Variants in ATXN7L1 observed in about 807,000 individuals in gnomAD.
The protein encoded by ATXN7L1 is ataxin-7-like protein 1.
In ATXN7L1, 15 loss-of-function variants were observed where a neutral mutation model predicts 70.8. The observed-to-expected ratio is 0.21, with a 90% CI of 0.14 to 0.33. ATXN7L1 has a LOEUF of 0.33. Ranked by LOEUF, ATXN7L1 falls within the 10% of genes least tolerant of loss-of-function variation. The pLI, the probability that ATXN7L1 is intolerant of heterozygous loss-of-function variation, is 1.00. For synonymous variants in ATXN7L1, 440 were observed against 445.1 expected, an observed-to-expected ratio of 0.99 and a Z score of 0.14; for missense variants, 975 against 1,097.1, an observed-to-expected ratio of 0.89 and a Z score of 1.57.
At chr7:105,860,030 G>A (rs1266666994) in intron 2 of ATXN7L1, among the ~76,000 whole-genome samples, 1 of 148,658 alleles carries the variant, frequency 6.7e-6, no homozygotes, top group Non-Finnish European at 1.5e-5. Context: ...TAATCCACCC[G>A]CCTTGGCCTC....
chr7:105,793,258 C>T (rs1805516154), intron 2 of ATXN7L1, among the ~76,000 whole-genome samples: 1 of 152,196 alleles, frequency 6.6e-6, no homozygotes, highest in African/African-American at 2.4e-5. Flanking sequence ...GCAGAGGGCT[C>T]ATTGCTGAGC....
intron 3 of ATXN7L1, among the ~76,000 whole-genome samples, chr7:105,718,883 G>A (rs1052346519): frequency 1.3e-5 from 2 of 152,186 alleles, no homozygotes; most frequent in East Asian, 3.9e-4. Context: ...TGGGAGAGAG[G>A]ATTTATCTTG....
At chr7:105,627,720 C>T (rs996400507) in intron 7 of ATXN7L1, among the ~76,000 whole-genome samples, 2 of 151,372 alleles carry the variant, frequency 1.3e-5, no homozygotes, top group Non-Finnish European at 2.9e-5. Context: ...TAAGTAGAGA[C>T]GGGGTTTCAC....
At chr7:105,875,439 G>A (rs975371326) in intron 2 of ATXN7L1, among the ~76,000 whole-genome samples, 1 of 152,150 alleles carries the variant, frequency 6.6e-6, no homozygotes, top group Non-Finnish European at 1.5e-5. Flanking sequence ...AAGCTGTTGT[G>A]CATTCACCCA....
At chr7:105,672,352 GCT>G (rs1461314055) in intron 3 of ATXN7L1, among the ~76,000 whole-genome samples, 1 of 152,142 alleles carries the variant, frequency 6.6e-6, no homozygotes, top group Non-Finnish European at 1.5e-5. Context: ...GATTAACAAA[GCT>G]GTAATCAATG....
intron 2 of ATXN7L1, among the ~76,000 whole-genome samples, chr7:105,860,851 C>T (rs1001126991): frequency 6.6e-6 from 1 of 152,194 alleles, no homozygotes; most frequent in Admixed American, 6.5e-5. Flanking sequence ...ATGATATGAT[C>T]GCTTTTCCTC....
chr7:105,718,006 ATAGT>A (rs1482253060), intron 3 of ATXN7L1, among the ~76,000 whole-genome samples: 3 of 152,244 alleles, frequency 2.0e-5, no homozygotes, highest in Non-Finnish European at 2.9e-5. Flanking sequence ...CAACTATGAA[ATAGT>A]TAATATCATC....
At chr7:105,645,640 CAAA>C (rs34135377) in intron 4 of ATXN7L1, among the ~76,000 whole-genome samples, 3 of 124,064 alleles carry the variant, frequency 2.4e-5, no homozygotes, top group Non-Finnish European at 1.6e-5. Flanking sequence ...GCTAAAAATC[CAAA>C]AAAAAAAAAA....
intron 3 of ATXN7L1, among the ~76,000 whole-genome samples, chr7:105,684,101 G>A (rs1805879340): frequency 6.6e-6 from 1 of 152,168 alleles, no homozygotes; most frequent in African/African-American, 2.4e-5. Flanking sequence ...GGTGAGCCAG[G>A]TAAGTGGTGT....
chr7:105,759,722 G>A (rs1033975934), intron 3 of ATXN7L1, among the ~76,000 whole-genome samples: 5 of 151,982 alleles, frequency 3.3e-5, no homozygotes, highest in Non-Finnish European at 7.4e-5. Context: ...AAATAACTAA[G>A]GTTTCTAGGC....
chr7:105,871,997 T>A (rs1339488639), intron 2 of ATXN7L1, among the ~76,000 whole-genome samples: 1 of 145,806 alleles, frequency 6.9e-6, no homozygotes, highest in Non-Finnish European at 1.5e-5. Flanking sequence ...CCAAAATAAT[T>A]TTTTTTTTTT....
At chr7:105,707,299 T>C (rs774321004) in intron 3 of ATXN7L1, among the ~76,000 whole-genome samples, 1 of 152,042 alleles carries the variant, frequency 6.6e-6, no homozygotes, top group Non-Finnish European at 1.5e-5. Context: ...CCAAGGCTTG[T>C]TTGTGGGAAG....
chr7:105,876,461 T>A lies in ATXN7L1; in HGVS notation c.98A>T (p.Asp33Val). The A allele has an allele frequency of 1.9e-6, 3 of 1,613,960 alleles. No individual in the cohort carries two copies. The highest frequency in any genetic ancestry group is 2.5e-6 in the Non-Finnish European group (3 of 1,179,948). Residue 33 changes from aspartate to valine, a missense_variant, in exon 1 of 12, where the codon GAT (aspartate) becomes GTT (valine). By Grantham distance (152) the Asp-to-Val change is radical. This residue lies in a region of ATXN7L1 where 135 missense variants were observed against 132.6 expected (regional missense o/e 1.02). Coordinates refer to ENST00000419735, the MANE Select transcript of ATXN7L1 (RefSeq NM_020725.2). The part of the protein sequence containing the change: ...QQEGRAMATL[D>V]RKVPSPEAFL... Reference sequence around the variant, plus strand: ...CGCCTCCGGACTGGGCACTTTGCGATCCAGTGTCGCCATTGCTCTTCCTTC... The same window carrying A: ...CGCCTCCGGACTGGGCACTTTGCGAACCAGTGTCGCCATTGCTCTTCCTTC...
Position 105,733,533 on chromosome 7 carries a change from T to TCCACCCATCCATCCAC in ATXN7L1, c.355+55070_355+55071insGTGGATGGATGGGTGG, listed in dbSNP as rs1796842964. Among the ~76,000 whole-genome samples, 2 of 104,134 alleles carry TCCACCCATCCATCCAC rather than the reference T, an allele frequency of 1.9e-5. 1 individual carries two copies. The highest frequency in any genetic ancestry group is 3.7e-5 in the Non-Finnish European group (2 of 54,184). The allele number at this position is 104,134 out of a possible 152,430, so 68.3% of individuals were successfully genotyped here. A position where few individuals can be genotyped will look rare whatever the true frequency, so the allele number is the denominator to read the frequency against. On this transcript the variant is annotated intron_variant, in intron 3 of 11. Transcript: ENST00000419735. ...ATCCATCCACCCATCCATCCATCCATCCATCCACCCATCCATCCATCCACC... is the reference window on the plus strand; with the variant it reads ...ATCCATCCACCCATCCATCCATCCATCCACCCATCCATCCACCCATCCACCCATCCATCCATCCACC...
chr7:105,755,516 TTCACTGTA>T (rs2116397281), intron 3 of ATXN7L1, among the ~76,000 whole-genome samples: 1 of 152,318 alleles, frequency 6.6e-6, no homozygotes, highest in South Asian at 2.1e-4. Flanking sequence ...AACTACATTA[TTCACTGTA>T]TAAATGAACG....
intron 3 of ATXN7L1, among the ~76,000 whole-genome samples, chr7:105,673,660 G>A (rs968652816): frequency 1.8e-4 from 28 of 152,364 alleles, no homozygotes; most frequent in African/African-American, 5.8e-4. Flanking sequence ...GAGTTGGAGA[G>A]AGAGGCAGGG....
rs74665862 is a variant in ATXN7L1, at chr7:105,733,841, CCCATCCAT to C, written c.355+54755_355+54762del. On this transcript the variant is annotated intron_variant, in intron 3 of 11. Transcript: ENST00000419735. ...ATCCATCCACCCCTCCATCCGTCCACCCATCCATCCATCCATCCATCCATCCATCCATC... is the reference window on the plus strand; with the variant it reads ...ATCCATCCACCCCTCCATCCGTCCACCCATCCATCCATCCATCCATCCATC... 2.9e-3 allele frequency among the ~76,000 whole-genome samples: 155 copies of C among 52,962 alleles called. 4 individuals are homozygous for C. The highest frequency in any genetic ancestry group is 9.9e-3 in the East Asian group (13 of 1,310). 34.7% of individuals were successfully genotyped at this position (52,962 alleles called of 152,430 possible). A position where few individuals can be genotyped will look rare whatever the true frequency, so the allele number is the denominator to read the frequency against.
chr7:105,831,350 TG>T (rs1347730980), intron 2 of ATXN7L1, among the ~76,000 whole-genome samples: 2 of 152,230 alleles, frequency 1.3e-5, no homozygotes, highest in Non-Finnish European at 2.9e-5. Context: ...GGGAAAACCC[TG>T]GGAGATTTAA....
chr7:105,724,070 T>G (rs925621556), intron 3 of ATXN7L1, among the ~76,000 whole-genome samples: 1 of 152,206 alleles, frequency 6.6e-6, no homozygotes, highest in Non-Finnish European at 1.5e-5. Context: ...CTAGGACCGC[T>G]GTAACAAAGT....
Sources: gnomAD v4.1 joint callset for allele counts (sites outside exome capture counted in the v4.1 genomes callset) on GRCh38, gnomAD v4.1.1 for gene constraint, gnomAD v4.1.1 regional missense constraint, MANE v1.5 for transcripts, NCBI Gene and HGNC (gene_info 2026-07-23, HGNC 2026-07-21) for gene names.